Variants in KCND2 observed in about 807,000 individuals in gnomAD.
KCND2 encodes potassium voltage-gated channel subfamily D member 2.
In KCND2, 16 loss-of-function variants were observed where a neutral mutation model predicts 54.4. The observed-to-expected ratio is 0.29, with a 90% CI of 0.20 to 0.45. The LOEUF is 0.45. Ranked by LOEUF, KCND2 falls within the 20% of genes least tolerant of loss-of-function variation. KCND2 has a pLI of 1.00. For missense variants in KCND2, 486 were observed against 824.2 expected (o/e 0.59, Z 5.02); for synonymous variants, 317 against 310.7 (o/e 1.02, Z -0.21).
intron 1 of KCND2, among the ~76,000 whole-genome samples, chr7:120,353,793 A>G (rs1262393330): frequency 6.6e-6 from 1 of 152,104 alleles, no homozygotes; most frequent in South Asian, 2.1e-4. Context: ...TGCCTTTTTC[A>G]TTCTATTGAT....
chr7:120,372,966 C>A (rs529331786), intron 1 of KCND2, among the ~76,000 whole-genome samples: 22 of 151,884 alleles, frequency 1.4e-4, no homozygotes, highest in African/African-American at 5.3e-4. Context: ...AGTTTTACTT[C>A]GGATTTGTGC....
chr7:120,605,123 G>C (rs1584850900), intron 1 of KCND2, among the ~76,000 whole-genome samples: 1 of 152,066 alleles, frequency 6.6e-6, no homozygotes, highest in Non-Finnish European at 1.5e-5. Context: ...GCTACATTTG[G>C]CAATGTTTGG....
At chr7:120,644,299 T>C (rs1370830625) in intron 1 of KCND2, among the ~76,000 whole-genome samples, 1 of 152,154 alleles carries the variant, frequency 6.6e-6, no homozygotes, top group Non-Finnish European at 1.5e-5. Context: ...TCTGGTCTCA[T>C]ACTAGAACTC....
At chr7:120,411,576 T>TG (rs1378468753) in intron 1 of KCND2, among the ~76,000 whole-genome samples, 1 of 151,886 alleles carries the variant, frequency 6.6e-6, no homozygotes, top group Non-Finnish European at 1.5e-5. Context: ...TATGTGTATA[T>TG]GTGGGGGAAA....
intron 1 of KCND2, among the ~76,000 whole-genome samples, chr7:120,584,603 A>G (rs962572022): frequency 1.3e-5 from 2 of 152,250 alleles, no homozygotes; most frequent in Non-Finnish European, 2.9e-5. Flanking sequence ...GAACATCTTC[A>G]TGTCAGAAAG....
At chr7:120,289,338 G>T (rs142614602) in intron 1 of KCND2, among the ~76,000 whole-genome samples, 2 of 152,030 alleles carry the variant, frequency 1.3e-5, no homozygotes, top group African/African-American at 4.8e-5. Flanking sequence ...CAATAAAATG[G>T]AAATCTCATA....
intron 1 of KCND2, among the ~76,000 whole-genome samples, chr7:120,338,440 T>G (rs1158456127): frequency 6.6e-6 from 1 of 152,102 alleles, no homozygotes; most frequent in Non-Finnish European, 1.5e-5. Context: ...AAATATCGTA[T>G]GTTTTTGCTT....
At chr7:120,309,479 A>ATATATATT (rs71530038) in intron 1 of KCND2, among the ~76,000 whole-genome samples, 2 of 79,524 alleles carry the variant, frequency 2.5e-5, no homozygotes, top group East Asian at 9.7e-4. Flanking sequence ...ATATATACAC[A>ATATATATT]CACACACACA....
chr7:120,389,245 C>A (rs1801037806), intron 1 of KCND2, among the ~76,000 whole-genome samples: 1 of 151,908 alleles, frequency 6.6e-6, no homozygotes, highest in African/African-American at 2.4e-5. Flanking sequence ...TAAAACATTT[C>A]TTTTTATTAT....
Position 120,325,846 on chromosome 7 carries a change from G to A in KCND2, c.1115+50099G>A, listed in dbSNP as rs78642572. Among the ~76,000 whole-genome samples the A allele has an allele frequency of 3.5e-3, 530 of 152,098 alleles. 4 individuals carry two copies. The highest frequency in any genetic ancestry group is 0.012 in the African/African-American group (502 of 41,522). On this transcript the variant is annotated intron_variant, in intron 1 of 5. Transcript: ENST00000331113. Reference sequence around the variant, plus strand: ...GGCATTGATGGGTACTGCTATGTGGGGTCAAACTTGGGTCCTAAAGGAACC... The same window carrying A: ...GGCATTGATGGGTACTGCTATGTGGAGTCAAACTTGGGTCCTAAAGGAACC...
At chr7:120,353,942 A>C (rs1429083039) in intron 1 of KCND2, among the ~76,000 whole-genome samples, 1 of 152,162 alleles carries the variant, frequency 6.6e-6, no homozygotes, top group African/African-American at 2.4e-5. Flanking sequence ...AAGAATGTGG[A>C]TGCAGCAAAA....
chr7:120,616,434 AATGTC>A (rs1793025593), intron 1 of KCND2, among the ~76,000 whole-genome samples: 1 of 152,320 alleles, frequency 6.6e-6, no homozygotes, highest in African/African-American at 2.4e-5. Context: ...ATCTTGAAGG[AATGTC>A]ATGAAACCAT....
At chr7:120,554,238 T>TACA (rs1047910062) in intron 1 of KCND2, among the ~76,000 whole-genome samples, 71 of 152,230 alleles carry the variant, frequency 4.7e-4, no homozygotes, top group Admixed American at 4.5e-3. Flanking sequence ...ATGATGATGT[T>TACA]CTTCCTGCTA....
rs1799921386 is a variant in KCND2 at position 120,323,323 on chromosome 7, G to T, written c.1115+47576G>T. ...TTATTTTTTTATTATTATACTTTAA[G>T]TTTTAGGGTACATGAGCACAACGTG... On this transcript the variant is annotated intron_variant, in intron 1 of 5. Coordinates refer to ENST00000331113, the MANE Select transcript of KCND2 (RefSeq NM_012281.3). Among the ~76,000 whole-genome samples, 3 of 152,034 alleles carry T rather than the reference G, an allele frequency of 2.0e-5. No individual in the cohort carries two copies. In the South Asian group the frequency reaches 6.2e-4, roughly 32 times the overall value.
intron 1 of KCND2, among the ~76,000 whole-genome samples, chr7:120,276,200 C>A (rs1354559153): frequency 6.6e-6 from 1 of 152,070 alleles, no homozygotes; most frequent in Non-Finnish European, 1.5e-5. Flanking sequence ...TTATGGTGTA[C>A]ATTTTTCCTC....
intron 1 of KCND2, among the ~76,000 whole-genome samples, chr7:120,607,752 G>A (rs1792900606): frequency 1.3e-5 from 2 of 152,204 alleles, no homozygotes; most frequent in Non-Finnish European, 2.9e-5. Context: ...ATAAGTAGGG[G>A]AAGATACACA....
intron 1 of KCND2, among the ~76,000 whole-genome samples, chr7:120,638,677 T>TA (rs1335095107): frequency 6.6e-6 from 1 of 152,164 alleles, no homozygotes. Context: ...GTCCCATTTG[T>TA]AGATAGTGCT....
At chr7:120,692,821 C>T (rs1792286183) in intron 1 of KCND2, among the ~76,000 whole-genome samples, 1 of 152,190 alleles carries the variant, frequency 6.6e-6, no homozygotes, top group Non-Finnish European at 1.5e-5. Flanking sequence ...CTCAGCTCTA[C>T]TCATTAAGAT....
intron 1 of KCND2, among the ~76,000 whole-genome samples, chr7:120,588,075 A>C (rs1792622612): frequency 6.6e-6 from 1 of 152,184 alleles, no homozygotes; most frequent in Non-Finnish European, 1.5e-5. Context: ...TTTTATCTTA[A>C]TGCATGCTCT....
Sources: allele counts gnomAD v4.1 joint callset (sites outside exome capture counted in the v4.1 genomes callset), GRCh38; gene constraint gnomAD v4.1.1; transcripts MANE v1.5; gene names NCBI Gene and HGNC (gene_info 2026-07-23, HGNC 2026-07-21).